PACRG: variants seen among roughly 807,000 people sequenced by gnomAD.
PACRG encodes the protein parkin coregulated gene protein.
Under a neutral mutation model 29.7 loss-of-function variants are expected in PACRG, and 29 were observed. That is an observed-to-expected ratio of 0.98 (90% confidence interval 0.73 to 1.33). The LOEUF is 1.33. Among genes scored for constraint, PACRG ranks in the 40% most tolerant of loss-of-function variants. The pLI is 0.00. For missense variants in PACRG, 279 were observed against 316.2 expected (o/e 0.88, Z 0.89); for synonymous variants, 116 against 118.7 (o/e 0.98, Z 0.15).
intron 1 of PACRG, among the ~76,000 whole-genome samples, chr6:162,788,532 G>A (rs1162638725): frequency 1.3e-5 from 2 of 152,188 alleles, no homozygotes; most frequent in African/African-American, 4.8e-5. Flanking sequence ...ATTCCAAGGA[G>A]TGTGATTGCT....
intron 1 of PACRG, among the ~76,000 whole-genome samples, chr6:162,774,900 C>A (rs1044071160): frequency 5.3e-5 from 8 of 152,266 alleles, no homozygotes; most frequent in African/African-American, 1.7e-4. Context: ...ACTGGAGCTG[C>A]CTCTCACCTA....
intron 2 of PACRG, among the ~76,000 whole-genome samples, chr6:163,009,740 A>C (rs1389908721): frequency 6.6e-6 from 1 of 152,210 alleles, no homozygotes; most frequent in African/African-American, 2.4e-5. Flanking sequence ...GGATGGAGTT[A>C]TTTACACCTC....
At chr6:163,231,547 T>C (rs1782044294) in intron 4 of PACRG, among the ~76,000 whole-genome samples, 1 of 152,080 alleles carries the variant, frequency 6.6e-6, no homozygotes, top group South Asian at 2.1e-4. Flanking sequence ...GATCAGCAAC[T>C]TTGCAGGTCT....
chr6:162,920,548 G>GTTT (rs1168336047), intron 2 of PACRG, among the ~76,000 whole-genome samples: 2 of 152,212 alleles, frequency 1.3e-5, no homozygotes, highest in African/African-American at 4.8e-5. Context: ...CTACTTTTTA[G>GTTT]TTTTTTATTT....
intron 4 of PACRG, among the ~76,000 whole-genome samples, chr6:163,172,507 C>T (rs768551112): frequency 3.9e-5 from 6 of 152,276 alleles, no homozygotes; most frequent in African/African-American, 7.2e-5. Flanking sequence ...CATGCATGCA[C>T]GCACACATAC....
At chr6:163,101,655 G>A (rs968777643) in intron 4 of PACRG, among the ~76,000 whole-genome samples, 4 of 152,100 alleles carry the variant, frequency 2.6e-5, no homozygotes, top group African/African-American at 9.7e-5. Context: ...GAGAAGGAGT[G>A]TGATGTCGGG....
chr6:162,756,223 T>C (rs1781907103), intron 1 of PACRG, among the ~76,000 whole-genome samples: 2 of 152,192 alleles, frequency 1.3e-5, no homozygotes, highest in Non-Finnish European at 2.9e-5. Context: ...AGATAATCTA[T>C]TCATTGTTGA....
At chr6:163,302,048 T>G (rs890917874) in intron 4 of PACRG, among the ~76,000 whole-genome samples, 2 of 152,172 alleles carry the variant, frequency 1.3e-5, no homozygotes, top group African/African-American at 4.8e-5. Context: ...TTTTAAGAGA[T>G]AAAAATGTAA....
At chr6:162,767,229 A>C (rs759429659) in intron 1 of PACRG, among the ~76,000 whole-genome samples, 1 of 151,954 alleles carries the variant, frequency 6.6e-6, no homozygotes, top group Non-Finnish European at 1.5e-5. Context: ...TGTTCTACTT[A>C]ACTATTTGAC....
At chr6:163,045,553 G>A (rs1418692474) in intron 2 of PACRG, among the ~76,000 whole-genome samples, 1 of 150,758 alleles carries the variant, frequency 6.6e-6, no homozygotes, top group East Asian at 1.9e-4. Flanking sequence ...TTGATCTCCT[G>A]ACCTCTTGAT....
At chr6:163,307,104 C>T (rs1219476381) in intron 4 of PACRG, among the ~76,000 whole-genome samples, 1 of 152,176 alleles carries the variant, frequency 6.6e-6, no homozygotes, top group Non-Finnish European at 1.5e-5. Flanking sequence ...ATAAATGAAT[C>T]TACTTTGCAG....
chr6:163,174,429 C>A (rs1286317911), intron 4 of PACRG, among the ~76,000 whole-genome samples: 1 of 152,118 alleles, frequency 6.6e-6, no homozygotes, highest in Non-Finnish European at 1.5e-5. Context: ...GTTCCCAGTG[C>A]CTGGTCATAG....
intron 2 of PACRG, among the ~76,000 whole-genome samples, chr6:162,961,891 G>A (rs1440918167): frequency 1.3e-5 from 2 of 151,834 alleles, no homozygotes; most frequent in Non-Finnish European, 2.9e-5. Context: ...CTGTCTGTGA[G>A]CTGGCCCCTA....
chr6:162,863,861 T>C (rs1792075329), intron 2 of PACRG, among the ~76,000 whole-genome samples: 2 of 152,240 alleles, frequency 1.3e-5, no homozygotes, highest in Non-Finnish European at 2.9e-5. Flanking sequence ...TTTAATGTTA[T>C]GGAGTTGTCT....
chr6:163,113,870 T>C (rs945861652), intron 4 of PACRG, among the ~76,000 whole-genome samples: 4 of 152,230 alleles, frequency 2.6e-5, no homozygotes, highest in African/African-American at 9.6e-5. Context: ...TTGTTTCACT[T>C]TGGTGTGTAA....
intron 2 of PACRG, among the ~76,000 whole-genome samples, chr6:163,001,018 G>A (rs1007402355): frequency 5.9e-5 from 9 of 152,132 alleles, no homozygotes; most frequent in Non-Finnish European, 1.0e-4. Flanking sequence ...AGTCTGCCCC[G>A]GGAAGGCCGA....
chr6:162,928,649 A>G (rs992279466), intron 2 of PACRG, among the ~76,000 whole-genome samples: 2 of 151,944 alleles, frequency 1.3e-5, no homozygotes, highest in Non-Finnish European at 2.9e-5. Context: ...GCTATTTTGA[A>G]ATATGCAATA....
chr6:162,996,775 G>A (rs370281183), intron 2 of PACRG, among the ~76,000 whole-genome samples: 7 of 152,204 alleles, frequency 4.6e-5, no homozygotes, highest in South Asian at 2.1e-4. Flanking sequence ...AACATTATGG[G>A]CACTCTACTC....
intron 2 of PACRG, among the ~76,000 whole-genome samples, chr6:162,997,971 C>A (rs1314902014): frequency 2.0e-5 from 3 of 152,168 alleles, no homozygotes; most frequent in African/African-American, 7.2e-5. Context: ...GAATTGTACA[C>A]GTCATAACAG....
Sources: gnomAD v4.1 joint callset for allele counts (sites outside exome capture counted in the v4.1 genomes callset) on GRCh38, gnomAD v4.1.1 for gene constraint, MANE v1.5 for transcripts, NCBI Gene and HGNC (gene_info 2026-07-23, HGNC 2026-07-21) for gene names.